TMPRSS11F: variants seen among roughly 807,000 people sequenced by gnomAD.
The protein encoded by TMPRSS11F is transmembrane protease serine 11F.
TMPRSS11F carries 47 observed loss-of-function variants against 60.2 expected under a neutral mutation model. The observed-to-expected ratio is 0.78, with a 90% CI of 0.62 to 1.00. The LOEUF (loss-of-function observed/expected upper bound fraction) is 1.00. TMPRSS11F is among the 50% of genes least tolerant of loss of function. TMPRSS11F has a pLI of 0.00. For missense variants in TMPRSS11F, 519 were observed against 522.9 expected (o/e 0.99, Z 0.07); for synonymous variants, 166 against 167.3 (o/e 0.99, Z 0.06).
At chr4:68,101,046 C>T (rs570380691) in intron 1 of TMPRSS11F, among the ~76,000 whole-genome samples, 6 of 152,088 alleles carry the variant, frequency 3.9e-5, no homozygotes, top group South Asian at 4.1e-4. Flanking sequence ...TCAAGAAGCA[C>T]GAAATAACAA....
chr4:68,117,372 C>A (rs925877929), intron 1 of TMPRSS11F, among the ~76,000 whole-genome samples: 17 of 142,514 alleles, frequency 1.2e-4, no homozygotes, highest in African/African-American at 4.4e-4. Flanking sequence ...GGGGCTGAGG[C>A]AGGAGAATGG....
intron 3 of TMPRSS11F, chr4:68,080,125 G>A (rs1183475927): frequency 6.6e-6 from 1 of 152,172 alleles, no homozygotes; most frequent in East Asian, 1.9e-4. Context: ...CTCCAGGAAA[G>A]CTTCCTGCTG....
chr4:68,061,821 G>C, intron 8 of TMPRSS11F: 1 of 438,902 alleles, frequency 2.3e-6, no homozygotes, highest in East Asian at 7.0e-5. Flanking sequence ...CCTGTCTAAA[G>C]ACTTGCAAGG....
intron 1 of TMPRSS11F, among the ~76,000 whole-genome samples, chr4:68,110,650 C>T (rs1278468945): frequency 6.6e-6 from 1 of 152,088 alleles, no homozygotes; most frequent in East Asian, 1.9e-4. Flanking sequence ...ATGGGTATAA[C>T]AGTATCTACT....
intron 1 of TMPRSS11F, among the ~76,000 whole-genome samples, chr4:68,125,995 G>T (rs1175588376): frequency 1.3e-5 from 2 of 152,086 alleles, no homozygotes; most frequent in East Asian, 3.8e-4. Flanking sequence ...AGCCATTAAA[G>T]AAATAAAGTG....
chr4:68,119,329 T>C (rs1264000569), intron 1 of TMPRSS11F, among the ~76,000 whole-genome samples: 3 of 152,250 alleles, frequency 2.0e-5, no homozygotes, highest in African/African-American at 7.2e-5. Flanking sequence ...GCAGCAAGTG[T>C]TGATGTAGAA....
At chr4:68,104,441 T>G (rs978421105) in intron 1 of TMPRSS11F, among the ~76,000 whole-genome samples, 1 of 152,172 alleles carries the variant, frequency 6.6e-6, no homozygotes, top group African/African-American at 2.4e-5. Context: ...CATGCTGTTC[T>G]CATGATAGTG....
chr4:68,097,452 C>T (rs955468111), intron 2 of TMPRSS11F, among the ~76,000 whole-genome samples: 3 of 152,112 alleles, frequency 2.0e-5, no homozygotes, highest in African/African-American at 7.2e-5. Context: ...GACCTTCTTT[C>T]CTCCCTTTTA....
At chr4:68,100,627 A>G (rs972057435) in intron 1 of TMPRSS11F, among the ~76,000 whole-genome samples, 1 of 152,198 alleles carries the variant, frequency 6.6e-6, no homozygotes, top group African/African-American at 2.4e-5. Context: ...GAGGAATATT[A>G]AAGGAGAATA....
intron 9 of TMPRSS11F, among the ~76,000 whole-genome samples, chr4:68,056,328 G>A (rs1264588885): frequency 1.3e-5 from 2 of 151,712 alleles, no homozygotes; most frequent in Non-Finnish European, 2.9e-5. Context: ...CAGTAAGTTT[G>A]CAGAATACAA....
Position 68,094,566 on chromosome 4 carries a change from ATTT to A in TMPRSS11F, c.164-3928_164-3926del, listed in dbSNP as rs1724032354. Among the ~76,000 whole-genome samples, 3 of 135,688 alleles carry A rather than the reference ATTT, an allele frequency of 2.2e-5. No individual in the cohort carries two copies. The Admixed American group carries it at 2.3e-4, about 10-fold the overall frequency. The allele number at this position is 135,688 out of a possible 152,430, so 89.0% of individuals were successfully genotyped here. On this transcript the variant is annotated intron_variant, in intron 2 of 9. Transcript: ENST00000356291. Reference sequence around the variant, plus strand: ...AAGTATAATAATAATAAATAAATAAATTTAAAAATAAATAAATAAATAAATAAA... The same window carrying A: ...AAGTATAATAATAATAAATAAATAAAAAAAATAAATAAATAAATAAATAAA...
intron 3 of TMPRSS11F, among the ~76,000 whole-genome samples, chr4:68,075,767 G>A (rs1027100443): frequency 4.6e-5 from 7 of 152,070 alleles, no homozygotes; most frequent in African/African-American, 1.7e-4. Context: ...GGCCAAGGCG[G>A]GTGGATCATG....
At chr4:68,086,525 G>A (rs979209118) in intron 3 of TMPRSS11F, among the ~76,000 whole-genome samples, 1 of 151,802 alleles carries the variant, frequency 6.6e-6, no homozygotes, top group Non-Finnish European at 1.5e-5. Flanking sequence ...ATTAAAATCA[G>A]AGCAGAACAA....
At chr4:68,108,234 A>C (rs887011370) in intron 1 of TMPRSS11F, among the ~76,000 whole-genome samples, 1 of 152,230 alleles carries the variant, frequency 6.6e-6, no homozygotes, top group Non-Finnish European at 1.5e-5. Flanking sequence ...CAGAAAGAGA[A>C]GAGTTAAGGA....
At chr4:68,125,117 C>T (rs1161653671) in intron 1 of TMPRSS11F, among the ~76,000 whole-genome samples, 2 of 151,352 alleles carry the variant, frequency 1.3e-5, no homozygotes, top group African/African-American at 2.4e-5. Context: ...TATGAAATTG[C>T]CTGTATTCAA....
intron 3 of TMPRSS11F, among the ~76,000 whole-genome samples, chr4:68,082,965 G>C (rs1723736697): frequency 6.6e-6 from 1 of 152,210 alleles, no homozygotes; most frequent in Non-Finnish European, 1.5e-5. Context: ...CCAGCTGGTT[G>C]GGCCAGATAC....
chr4:68,093,122 G>C (rs10518047), intron 2 of TMPRSS11F, among the ~76,000 whole-genome samples: 5,432 of 152,194 alleles, frequency 0.036, 271 homozygotes, highest in African/African-American at 0.11. Flanking sequence ...AGATCAATTA[G>C]GAAGCCATTG....
chr4:68,076,302 C>CTATAAAT (rs1560398264), intron 3 of TMPRSS11F, among the ~76,000 whole-genome samples: 58 of 152,282 alleles, frequency 3.8e-4, no homozygotes, highest in African/African-American at 1.4e-3. Context: ...TCATTGAAAA[C>CTATAAAT]TGTTATTAAA....
intron 1 of TMPRSS11F, among the ~76,000 whole-genome samples, chr4:68,121,670 G>A (rs974907414): frequency 5.3e-5 from 8 of 152,152 alleles, no homozygotes; most frequent in African/African-American, 1.9e-4. Context: ...TTAGCTTCCT[G>A]TATGATTGAT....
Sources: allele counts gnomAD v4.1 joint callset (sites outside exome capture counted in the v4.1 genomes callset), GRCh38; gene constraint gnomAD v4.1.1; transcripts MANE v1.5; gene names NCBI Gene and HGNC (gene_info 2026-07-23, HGNC 2026-07-21).